KLHL1: variants seen among roughly 807,000 people sequenced by gnomAD.
The protein encoded by KLHL1 is kelch-like protein 1.
KLHL1 carries 47 observed loss-of-function variants against 77.7 expected under a neutral mutation model. That is an observed-to-expected ratio of 0.60 (90% CI 0.48 to 0.77). The LOEUF (loss-of-function observed/expected upper bound fraction) is 0.77. Ranked by LOEUF, KLHL1 falls within the 30% of genes least tolerant of loss-of-function variation. The pLI is 0.00. For synonymous variants in KLHL1, 360 were observed against 325.2 expected (o/e 1.11, Z -1.15); for missense variants, 925 against 910.8 (o/e 1.02, Z -0.20).
intron 4 of KLHL1, among the ~76,000 whole-genome samples, chr13:69,925,249 T>C (rs556060746): frequency 2.0e-4 from 31 of 152,312 alleles, no homozygotes; most frequent in African/African-American, 7.5e-4. Context: ...CCAACACTCA[T>C]TGAGCACAGT....
intron 1 of KLHL1, among the ~76,000 whole-genome samples, chr13:70,080,810 CT>C (rs1420912123): frequency 6.6e-6 from 1 of 152,026 alleles, no homozygotes; most frequent in Non-Finnish European, 1.5e-5. Flanking sequence ...GTTGGTCAGG[CT>C]GTTCATTTGA....
chr13:70,033,230 T>G (rs1886149978), intron 1 of KLHL1, among the ~76,000 whole-genome samples: 2 of 152,198 alleles, frequency 1.3e-5, no homozygotes, highest in African/African-American at 2.4e-5. Context: ...CATTTTTAAT[T>G]ACTAAGCCTA....
intron 4 of KLHL1, among the ~76,000 whole-genome samples, chr13:69,906,513 TTTTC>T (rs896492317): frequency 1.1e-4 from 17 of 152,012 alleles, no homozygotes; most frequent in African/African-American, 4.1e-4. Context: ...ATATTGAGTG[TTTTC>T]TTTAATTCTG....
intron 2 of KLHL1, among the ~76,000 whole-genome samples, chr13:69,965,685 T>TTTTTGCCTGCCAAACAC (rs1884191868): frequency 6.6e-6 from 1 of 152,158 alleles, no homozygotes; most frequent in South Asian, 2.1e-4. Flanking sequence ...GCCAAACACT[T>TTTTTGCCTGCCAAACAC]AGGCAAGTTG....
chr13:69,912,213 A>T (rs1331472737), intron 4 of KLHL1, among the ~76,000 whole-genome samples: 1 of 152,174 alleles, frequency 6.6e-6, no homozygotes, highest in Non-Finnish European at 1.5e-5. Flanking sequence ...TTGCCATGTC[A>T]ACAGAGTGGA....
rs142966710 is a variant in KLHL1, at chr13:69,817,619, C to A, written c.1415-20657G>T. On this transcript the variant is annotated intron_variant, in intron 6 of 10. Transcript: ENST00000377844. Reference sequence around the variant, plus strand: ...ATTTTGCCCTAGGGAGACTATTTCTCTTTTCCAGAGAATAGCCACACACTG... The same window carrying A: ...ATTTTGCCCTAGGGAGACTATTTCTATTTTCCAGAGAATAGCCACACACTG... Among the ~76,000 whole-genome samples the A allele has an allele frequency of 8.5e-4, 130 of 152,278 alleles. 1 individual carries two copies. The East Asian group carries it at 0.023, about 27-fold the overall frequency.
intron 4 of KLHL1, among the ~76,000 whole-genome samples, chr13:69,885,330 C>T (rs543531189): frequency 3.3e-5 from 5 of 152,222 alleles, no homozygotes; most frequent in South Asian, 2.1e-4. Flanking sequence ...TGGTAACCAG[C>T]GGCGTTGTTT....
At chr13:70,043,255 TA>T (rs1292040845) in intron 1 of KLHL1, among the ~76,000 whole-genome samples, 1 of 151,682 alleles carries the variant, frequency 6.6e-6, no homozygotes. Context: ...AAAATAAAAA[TA>T]AAAATGAGAA....
intron 6 of KLHL1, among the ~76,000 whole-genome samples, chr13:69,833,353 A>C (rs528305161): frequency 6.6e-6 from 1 of 152,266 alleles, no homozygotes; most frequent in South Asian, 2.1e-4. Context: ...ACATATGAAA[A>C]AATGCTCAAC....
At chr13:69,721,551 T>A (rs1387561263) in intron 8 of KLHL1, among the ~76,000 whole-genome samples, 2 of 152,072 alleles carry the variant, frequency 1.3e-5, no homozygotes, top group African/African-American at 4.8e-5. Context: ...ATAAGTAGAC[T>A]TAAATCTATA....
intron 2 of KLHL1, among the ~76,000 whole-genome samples, chr13:69,963,837 C>A (rs1435570046): frequency 6.6e-6 from 1 of 151,752 alleles, no homozygotes; most frequent in Non-Finnish European, 1.5e-5. Flanking sequence ...GAAGAAATAT[C>A]TTTAGTTATT....
At chr13:69,933,917 G>T (rs999044538) in intron 4 of KLHL1, among the ~76,000 whole-genome samples, 1 of 151,442 alleles carries the variant, frequency 6.6e-6, no homozygotes, top group African/African-American at 2.4e-5. Context: ...TCAGGAATTC[G>T]ACTTAATATT....
At chr13:69,838,249 C>CT (rs1170828081) in intron 6 of KLHL1, among the ~76,000 whole-genome samples, 1 of 151,428 alleles carries the variant, frequency 6.6e-6, no homozygotes, top group Non-Finnish European at 1.5e-5. Flanking sequence ...CCAATTCCAG[C>CT]TTTTTAAATA....
At chr13:70,000,927 G>GAA (rs35527264) in intron 1 of KLHL1, among the ~76,000 whole-genome samples, 29 of 144,840 alleles carry the variant, frequency 2.0e-4, no homozygotes, top group Admixed American at 4.1e-4. Flanking sequence ...ATAACTTACA[G>GAA]AAAAAAAAAC....
chr13:69,717,190 T>G (rs1034389563), intron 9 of KLHL1, among the ~76,000 whole-genome samples: 5 of 152,164 alleles, frequency 3.3e-5, no homozygotes, highest in African/African-American at 1.2e-4. Flanking sequence ...AAATGTGATC[T>G]ATCCATCTCT....
intron 1 of KLHL1, among the ~76,000 whole-genome samples, chr13:70,019,922 T>TA (rs1885748257): frequency 6.6e-6 from 1 of 152,160 alleles, no homozygotes; most frequent in Non-Finnish European, 1.5e-5. Flanking sequence ...AATCCTTTCA[T>TA]AAAAAGGACT....
At chr13:69,701,841 AT>A (rs2137863430) in intron 10 of KLHL1, 80 bp from the exon 11 acceptor site, 1 of 1,004,550 alleles carries the variant, frequency 1.0e-6, no homozygotes, top group Non-Finnish European at 1.5e-6. Context: ...GATTATCTAC[AT>A]GAAAATCATA....
At position 69,843,142 on chromosome 13, in the gene KLHL1, C is replaced by T. The variant is rs534111415; in HGVS notation, c.1228-3980G>A. On this transcript the variant is annotated intron_variant, in intron 5 of 10. Transcript: ENST00000377844. Reference sequence around the variant, plus strand: ...AATGTATGATAGCAGAGTAGGGTGACTATACCTAACAAAAATGTATTGTTC... The same window carrying T: ...AATGTATGATAGCAGAGTAGGGTGATTATACCTAACAAAAATGTATTGTTC... Among the ~76,000 whole-genome samples, 3 of 151,688 alleles carry T rather than the reference C, an allele frequency of 2.0e-5. No individual in the cohort carries two copies. The South Asian group carries it at 6.2e-4, about 31-fold the overall frequency.
At chr13:69,837,587 T>C (rs1261319429) in intron 6 of KLHL1, among the ~76,000 whole-genome samples, 1 of 147,128 alleles carries the variant, frequency 6.8e-6, no homozygotes, top group African/African-American at 2.5e-5. Flanking sequence ...ATAGTTATAC[T>C]ATATATATAC....
Sources: allele counts gnomAD v4.1 joint callset (sites outside exome capture counted in the v4.1 genomes callset), GRCh38; gene constraint gnomAD v4.1.1; transcripts MANE v1.5; gene names NCBI Gene and HGNC (gene_info 2026-07-23, HGNC 2026-07-21).